The following CSMD1 variants were observed in gnomAD, a reference collection of about 807,000 sequenced individuals.
CSMD1 encodes the protein CUB and Sushi multiple domains 1, also known as CUB and sushi domain-containing protein 1.
CSMD1 carries 213 observed loss-of-function variants against 417.5 expected under a neutral mutation model. The ratio of observed to expected loss-of-function variants is 0.51; its 90% CI spans 0.46 to 0.57. The LOEUF is 0.57. Ranked by LOEUF, CSMD1 falls within the 20% of genes least tolerant of loss-of-function variation. CSMD1 has a pLI of 0.00. For synonymous variants in CSMD1, 2,862 were observed against 1,736.8 expected (o/e 1.65, Z -16.11); for missense variants, 6,923 against 4,529.7 (o/e 1.53, Z -15.17).
chr8:3,617,271 G>C (rs951383109), intron 7 of CSMD1, among the ~76,000 whole-genome samples: 11 of 152,040 alleles, frequency 7.2e-5, no homozygotes, highest in African/African-American at 2.7e-4. Flanking sequence ...GCTTATCATT[G>C]AACTAAAACC....
chr8:4,662,990 G>C (rs1804695779), intron 1 of CSMD1, among the ~76,000 whole-genome samples: 1 of 152,240 alleles, frequency 6.6e-6, no homozygotes, highest in Non-Finnish European at 1.5e-5. Flanking sequence ...TTTTCATGTG[G>C]AGAAGGCTTT....
intron 2 of CSMD1, among the ~76,000 whole-genome samples, chr8:4,556,026 A>G (rs1798072237): frequency 6.6e-6 from 1 of 152,026 alleles, no homozygotes; most frequent in Admixed American, 6.6e-5. Flanking sequence ...CTTCCCTTAT[A>G]CTCAATGAAT....
chr8:3,600,664 A>T (rs1376628417), intron 8 of CSMD1, among the ~76,000 whole-genome samples: 1 of 152,030 alleles, frequency 6.6e-6, no homozygotes, highest in Non-Finnish European at 1.5e-5. Flanking sequence ...GAGACAGAAA[A>T]CCATTGCTCT....
intron 3 of CSMD1, among the ~76,000 whole-genome samples, chr8:4,405,856 T>C (rs1385496002): frequency 1.3e-5 from 2 of 152,190 alleles, no homozygotes; most frequent in Non-Finnish European, 2.9e-5. Flanking sequence ...AGTGATCCAC[T>C]CACCACTTTA....
chr8:4,001,902 A>AG (rs1222320768), intron 4 of CSMD1, among the ~76,000 whole-genome samples: 2 of 152,154 alleles, frequency 1.3e-5, no homozygotes, highest in East Asian at 3.9e-4. Flanking sequence ...AGAGGAAAAA[A>AG]AAAATTCCCA....
At chr8:3,818,297 G>A (rs940744739) in intron 5 of CSMD1, among the ~76,000 whole-genome samples, 2 of 152,112 alleles carry the variant, frequency 1.3e-5, no homozygotes, top group East Asian at 1.9e-4. Flanking sequence ...GGGTGTAGTG[G>A]GAGAGAAGAA....
intron 5 of CSMD1, among the ~76,000 whole-genome samples, chr8:3,921,558 T>G (rs1259571463): frequency 1.3e-5 from 2 of 152,130 alleles, no homozygotes; most frequent in South Asian, 4.1e-4. Context: ...TAGAACCACT[T>G]TTGCTTCATC....
At chr8:4,174,209 G>A (rs560433559) in intron 3 of CSMD1, among the ~76,000 whole-genome samples, 2 of 152,274 alleles carry the variant, frequency 1.3e-5, no homozygotes, top group African/African-American at 4.8e-5. Context: ...AGCCTCAGCA[G>A]CTATGTGAGG....
intron 5 of CSMD1, among the ~76,000 whole-genome samples, chr8:3,852,771 T>C (rs1032799452): frequency 3.3e-5 from 5 of 151,914 alleles, no homozygotes; most frequent in Non-Finnish European, 7.4e-5. Flanking sequence ...GTTTGTAGGA[T>C]CCATTCCAGC....
At chr8:4,506,518 G>A (rs983969409) in intron 2 of CSMD1, among the ~76,000 whole-genome samples, 1 of 152,122 alleles carries the variant, frequency 6.6e-6, no homozygotes, top group Non-Finnish European at 1.5e-5. Context: ...GCAGGAGGCG[G>A]GGTTGGGGAT....
At chr8:3,191,415 C>T (rs1030169690) in intron 33 of CSMD1, among the ~76,000 whole-genome samples, 5 of 152,084 alleles carry the variant, frequency 3.3e-5, no homozygotes, top group African/African-American at 1.2e-4. Flanking sequence ...AAGATCACAC[C>T]ACTGCACTCC....
At chr8:4,431,240 T>C (rs948394238) in intron 2 of CSMD1, among the ~76,000 whole-genome samples, 5 of 152,090 alleles carry the variant, frequency 3.3e-5, no homozygotes, top group African/African-American at 9.7e-5. Context: ...AAAAAAATAG[T>C]GAAATGGCTC....
intron 5 of CSMD1, among the ~76,000 whole-genome samples, chr8:3,963,899 C>G (rs1050347528): frequency 2.6e-5 from 4 of 152,158 alleles, no homozygotes; most frequent in African/African-American, 9.7e-5. Context: ...GGAAGAATTT[C>G]TAACTCATTG....
chr8:3,723,000 G>T (rs1045410362), intron 6 of CSMD1, among the ~76,000 whole-genome samples: 1 of 152,138 alleles, frequency 6.6e-6, no homozygotes, highest in Admixed American at 6.5e-5. Flanking sequence ...AATTCTGCAG[G>T]TGAAGCTCAG....
intron 7 of CSMD1, among the ~76,000 whole-genome samples, chr8:3,677,408 A>T (rs1799432524): frequency 1.3e-5 from 2 of 152,178 alleles, no homozygotes; most frequent in South Asian, 4.1e-4. Context: ...TTCAAGGCCA[A>T]TGCATGGGAA....
intron 3 of CSMD1, among the ~76,000 whole-genome samples, chr8:4,320,698 T>A (rs1037496481): frequency 6.6e-6 from 1 of 152,192 alleles, no homozygotes; most frequent in African/African-American, 2.4e-5. Context: ...CATCCTTTTT[T>A]ATGGCTGCAT....
chr8:3,357,636 CT>C (rs1328613079), intron 21 of CSMD1, among the ~76,000 whole-genome samples: 1 of 152,292 alleles, frequency 6.6e-6, no homozygotes, highest in African/African-American at 2.4e-5. Context: ...AGACTACTGA[CT>C]GTTACATATC....
intron 5 of CSMD1, among the ~76,000 whole-genome samples, chr8:3,851,873 C>T (rs1350355169): frequency 6.6e-6 from 1 of 152,040 alleles, no homozygotes; most frequent in African/African-American, 2.4e-5. Flanking sequence ...CATGCAAAGC[C>T]AGTGGGCTCC....
intron 5 of CSMD1, among the ~76,000 whole-genome samples, chr8:3,874,074 T>C (rs1367898471): frequency 6.6e-6 from 1 of 152,178 alleles, no homozygotes; most frequent in Non-Finnish European, 1.5e-5. Context: ...ATTTAGGAAG[T>C]TCTCTGTGCT....
Sources: allele counts gnomAD v4.1 joint callset (sites outside exome capture counted in the v4.1 genomes callset), GRCh38; gene constraint gnomAD v4.1.1; transcripts MANE v1.5; gene names NCBI Gene and HGNC (gene_info 2026-07-23, HGNC 2026-07-21).